PAXIP1: variants seen among roughly 807,000 people sequenced by gnomAD.
The protein encoded by PAXIP1 is PAX-interacting protein 1.
PAXIP1 carries 19 observed loss-of-function variants against 140.6 expected under a neutral mutation model. The ratio of observed to expected loss-of-function variants is 0.14; its 90% CI spans 0.09 to 0.20. The LOEUF (loss-of-function observed/expected upper bound fraction) is 0.20, where lower values mean the gene tolerates loss of function less well. Among genes scored for constraint, PAXIP1 ranks in the 10% least tolerant of loss-of-function variants. PAXIP1 has a pLI of 1.00. For synonymous variants in PAXIP1, 442 were observed against 444.6 expected (o/e 0.99, Z 0.07); for missense variants, 920 against 1,208.6 (o/e 0.76, Z 3.54).
At chr7:154,948,225 T>A in intron 16 of PAXIP1, 1 of 519,392 alleles carries the variant, frequency 1.9e-6, no homozygotes, top group Non-Finnish European at 3.5e-6. Flanking sequence ...AGATCAGTGG[T>A]AATTAACCAT....
chr7:154,972,720 C>T (rs1291136983), intron 6 of PAXIP1, among the ~76,000 whole-genome samples: 1 of 152,206 alleles, frequency 6.6e-6, no homozygotes, highest in Non-Finnish European at 1.5e-5. Context: ...GAGATCTTTA[C>T]GGCCCATATC....
At chr7:154,991,137 T>G (rs2150781965) in intron 3 of PAXIP1, 68 bp from the exon 4 acceptor site, 1 of 756,856 alleles carries the variant, frequency 1.3e-6, no homozygotes, top group African/African-American at 1.8e-5. Context: ...TAACAGACAT[T>G]ACCCACCCAC....
Position 154,961,075 on chromosome 7 carries a change from G to C in PAXIP1, c.2252C>G (p.Pro751Arg), listed in dbSNP as rs1257281083. The change falls in exon 12 of 21, where the codon CCA becomes CGA. Residue 751 changes from proline (P) to arginine (R), a missense_variant and splice_region_variant. Transcript: ENST00000404141. ...RSNTVLICKE[P>R]TGLKYEKAKE... ...GGCTTTTTCATACTTTAAACCAGTTGGTCTTTTTATTTTTTGAGGAGAAAA... is the reference window on the plus strand; with the variant it reads ...GGCTTTTTCATACTTTAAACCAGTTCGTCTTTTTATTTTTTGAGGAGAAAA... 4 of 1,546,872 alleles carry C rather than the reference G, an allele frequency of 2.6e-6. No individual in the cohort carries two copies. In the African/African-American group the frequency reaches 5.5e-5, roughly 21 times the overall value.
intron 13 of PAXIP1, among the ~76,000 whole-genome samples, chr7:154,958,088 A>T (rs528988172): frequency 4.1e-4 from 63 of 152,258 alleles, no homozygotes; most frequent in African/African-American, 1.5e-3. Context: ...AAGATGTTAC[A>T]TGACAATCAG....
chr7:155,003,023 G>T lies in PAXIP1; in HGVS notation c.-94C>A. On this transcript the variant is annotated 5_prime_UTR_variant, in exon 1 of 21. Coordinates refer to ENST00000404141, the MANE Select transcript of PAXIP1 (RefSeq NM_007349.4). ...GGCGCCCGGCGCCCCCACTCGCCCC[G>T]CCAACGGCCCTGCCCGCGCAGCCCG... is the stretch of plus-strand genomic sequence containing the variant. 3.3e-6 allele frequency: 1 copy of T among 299,126 alleles called. No homozygotes were observed. The highest frequency in any genetic ancestry group is 4.0e-6 in the Non-Finnish European group (1 of 248,248). 18.5% of individuals were successfully genotyped at this position (299,126 alleles called of 1,614,324 possible). A position where few individuals can be genotyped will look rare whatever the true frequency, so the allele number is the denominator to read the frequency against.
intron 5 of PAXIP1, among the ~76,000 whole-genome samples, chr7:154,978,741 A>G (rs946256147): frequency 1.3e-5 from 2 of 152,334 alleles, no homozygotes; most frequent in African/African-American, 4.8e-5. Context: ...AGTTAAAAAG[A>G]TATCTGTTGA....
chr7:154,963,754 G>T lies in PAXIP1; in HGVS notation c.1906C>A (p.His636Asn). ...LATWKRIIQA[H>N]GGTVDPTFTS... Reference sequence around the variant, plus strand: ...AAGGTGGGGTCAACAGTGCCGCCATGTGCCTGGATTATCTACACACAAAGA... The same window carrying T: ...AAGGTGGGGTCAACAGTGCCGCCATTTGCCTGGATTATCTACACACAAAGA... Residue 636 changes from histidine to asparagine, a missense_variant, in exon 9 of 21, where the codon CAT becomes AAT. By Grantham distance (68) the His-to-Asn change is moderately conservative (BLOSUM62 1). Around this residue, in one of 5 missense-constraint regions of PAXIP1, gnomAD observed 62 missense variants for 69.0 expected, o/e 0.90. Transcript: ENST00000404141. This position sits in a 1 kb window ranked among gnomAD's most constrained non-coding sequence, Gnocchi z 4.1. 1 of 1,612,636 alleles carries T rather than the reference G, an allele frequency of 6.2e-7. No individual in the cohort carries two copies. The highest frequency in any genetic ancestry group is 1.3e-5 in the African/African-American group (1 of 75,006).
At chr7:154,962,776 G>C (rs1808812516) in intron 9 of PAXIP1, 1 of 180,088 alleles carries the variant, frequency 5.6e-6, no homozygotes, top group East Asian at 1.5e-4. Context: ...CATAAGGACA[G>C]AGGGCCCCAC....
intron 1 of PAXIP1, among the ~76,000 whole-genome samples, chr7:154,999,288 C>A (rs1795148546): frequency 6.6e-6 from 1 of 152,214 alleles, no homozygotes; most frequent in African/African-American, 2.4e-5. Flanking sequence ...CAGGTGAATA[C>A]AGAGCAGACC....
intron 2 of PAXIP1, among the ~76,000 whole-genome samples, chr7:154,995,077 A>C (rs1810513271): frequency 6.6e-6 from 1 of 152,168 alleles, no homozygotes; most frequent in African/African-American, 2.4e-5. Flanking sequence ...CTCTCTCCTC[A>C]TGATGCCATG....
At chr7:154,987,638 C>T (rs1034766186) in intron 4 of PAXIP1, among the ~76,000 whole-genome samples, 3 of 152,214 alleles carry the variant, frequency 2.0e-5, no homozygotes, top group African/African-American at 4.8e-5. Context: ...ACCATCTCCC[C>T]TCGCCAATCA....
At chr7:154,969,395 A>G (rs1809192294) in intron 6 of PAXIP1, among the ~76,000 whole-genome samples, 3 of 152,248 alleles carry the variant, frequency 2.0e-5, no homozygotes, top group Non-Finnish European at 4.4e-5. Context: ...TTAAAGTGAC[A>G]AAGACTCAGA....
At position 154,968,011 on chromosome 7, in the gene PAXIP1, A is replaced by G. The variant is rs143124620; in HGVS notation, c.1799-101T>C. ...CTCACAATGTCAATCTGTTATGTTT[A>G]TCAGTCTTGACCATGACGTATCTGC... On this transcript the variant is annotated intron_variant, in intron 7 of 20. Transcript: ENST00000404141. The G allele has an allele frequency of 1.1e-3, 767 of 724,316 alleles. 6 individuals are homozygous for G. The African/African-American group carries it at 0.012, about 11-fold the overall frequency. The allele number at this position is 724,316 out of a possible 1,614,324, so 44.9% of individuals were successfully genotyped here.
At position 154,997,910 on chromosome 7, in the gene PAXIP1, C is replaced by A. The variant is rs538939232; in HGVS notation, c.216+740G>T. On this transcript the variant is annotated intron_variant, in intron 2 of 20. Coordinates refer to ENST00000404141, the MANE Select transcript of PAXIP1 (RefSeq NM_007349.4). ...AGTCGGGATGGAAAGTAACCCTGTC[C>A]TAGAGTTACCTCCCGACAGGCCTTA... is the stretch of plus-strand genomic sequence containing the variant. 2.6e-5 allele frequency among the ~76,000 whole-genome samples: 4 copies of A among 152,324 alleles called. No individual in the cohort carries two copies. In the East Asian group the frequency reaches 7.7e-4, roughly 29 times the overall value.
intron 6 of PAXIP1, among the ~76,000 whole-genome samples, chr7:154,975,176 AAAAC>A (rs1174279975): frequency 1.4e-4 from 22 of 151,788 alleles, no homozygotes; most frequent in African/African-American, 3.4e-4. Context: ...AAAAAAAACA[AAAAC>A]AAAACAAAAA....
At position 154,968,794 on chromosome 7, in the gene PAXIP1, C is replaced by T. The variant is rs1380543163; in HGVS notation, c.1407G>A (p.Gln469=). ...HPHQFSQQQL[Q]FPQQQLHPPQ... Reference sequence around the variant, plus strand: ...GAGGATGCAACTGTTGCTGTGGAAACTGTAGCTGTTGCTGTGAAAACTGAT... The same window carrying T: ...GAGGATGCAACTGTTGCTGTGGAAATTGTAGCTGTTGCTGTGAAAACTGAT... Residue 469 remains glutamine, a synonymous_variant, in exon 7 of 21, where the codon CAG becomes CAA. Coordinates refer to ENST00000404141, the MANE Select transcript of PAXIP1 (RefSeq NM_007349.4). 5.5e-6 allele frequency: 4 copies of T among 723,036 alleles called. No homozygotes were observed. The South Asian group carries it at 5.9e-5, about 11-fold the overall frequency. 44.8% of individuals were successfully genotyped at this position (723,036 alleles called of 1,614,324 possible). A position where few individuals can be genotyped will look rare whatever the true frequency, so the allele number is the denominator to read the frequency against.
At chr7:154,967,428 G>T (rs12112367) in intron 8 of PAXIP1, 3,635 of 163,900 alleles carry the variant, frequency 0.022, 144 homozygotes, top group African/African-American at 0.082. Flanking sequence ...AGAATTTGAG[G>T]TTCTAGAGAT....
At chr7:154,977,853 C>G (rs1323490563) in intron 5 of PAXIP1, among the ~76,000 whole-genome samples, 1 of 149,424 alleles carries the variant, frequency 6.7e-6, no homozygotes, top group Non-Finnish European at 1.5e-5. Context: ...ACAACCTCTT[C>G]CTATGAAAAC....
chr7:154,951,438 T>A (rs1041099145), intron 16 of PAXIP1: 1 of 152,278 alleles, frequency 6.6e-6, no homozygotes, highest in African/African-American at 2.4e-5. Context: ...CACTGTACTT[T>A]CTGTAATTTT....
Sources: gnomAD v4.1 joint callset for allele counts (sites outside exome capture counted in the v4.1 genomes callset) on GRCh38, gnomAD v4.1.1 for gene constraint, gnomAD v4.1.1 regional missense constraint, Gnocchi (gnomAD v3.1) non-coding constraint, MANE v1.5 for transcripts, NCBI Gene and HGNC (gene_info 2026-07-23, HGNC 2026-07-21) for gene names.